The following FCHO2 variants were observed in gnomAD, a reference collection of about 807,000 sequenced individuals.
FCHO2 encodes FCH and mu domain containing endocytic adaptor 2.
FCHO2 carries 43 observed loss-of-function variants against 114.1 expected under a neutral mutation model. The ratio of observed to expected loss-of-function variants is 0.38; its 90% confidence interval spans 0.30 to 0.49. The LOEUF (loss-of-function observed/expected upper bound fraction) is 0.49. FCHO2 is among the 20% of genes least tolerant of loss of function. The pLI is 0.97. For missense variants in FCHO2, 807 were observed against 950.4 expected (o/e 0.85, Z 1.98); for synonymous variants, 293 against 315.2 (o/e 0.93, Z 0.75).
intron 13 of FCHO2, among the ~76,000 whole-genome samples, chr5:73,053,614 G>T (rs183124819): frequency 6.6e-6 from 1 of 151,010 alleles, no homozygotes; most frequent in Non-Finnish European, 1.5e-5. Flanking sequence ...AGAATTGCTT[G>T]AAAACCATGA....
chr5:72,967,154 T>C (rs1250065230), intron 1 of FCHO2, among the ~76,000 whole-genome samples: 8 of 152,270 alleles, frequency 5.3e-5, no homozygotes, highest in African/African-American at 1.9e-4. Flanking sequence ...GATGTGGTGG[T>C]GCACACCTGT....
chr5:73,007,693 A>T (rs983777089), intron 6 of FCHO2, among the ~76,000 whole-genome samples: 4 of 152,262 alleles, frequency 2.6e-5, no homozygotes, highest in Non-Finnish European at 5.9e-5. Flanking sequence ...TGGTGTGTAT[A>T]CAGTACATCT....
In FCHO2 at chr5:72,990,874, A is replaced by C. The variant is rs1274031335; in HGVS notation, c.495+10A>C. Reference sequence around the variant, plus strand: ...AAGAGAAATAGAAAAGGTAATCATAATAAAAATTACATATCTGTGGTTTCA... The same window carrying C: ...AAGAGAAATAGAAAAGGTAATCATACTAAAAATTACATATCTGTGGTTTCA... On this transcript the variant is annotated intron_variant, in intron 5 of 25. Coordinates refer to ENST00000430046, the MANE Select transcript of FCHO2 (RefSeq NM_138782.3). 9.1e-6 allele frequency: 14 copies of C among 1,533,326 alleles called. No individual in the cohort carries two copies. The highest frequency in any genetic ancestry group is 2.2e-5 in the Admixed American group (1 of 45,872). 95.0% of individuals were successfully genotyped at this position (1,533,326 alleles called of 1,614,324 possible).
rs549115748 is a variant in FCHO2, at chr5:73,024,476, G to A, written c.796+7168G>A. Reference sequence around the variant, plus strand: ...TTTTTTGGAGTCGGAGTCTCGCTCCGTCGCCCAGGCTGGAGTGCAGTGGCA... The same window carrying A: ...TTTTTTGGAGTCGGAGTCTCGCTCCATCGCCCAGGCTGGAGTGCAGTGGCA... On this transcript the variant is annotated intron_variant, in intron 8 of 25. Coordinates refer to ENST00000430046, the MANE Select transcript of FCHO2 (RefSeq NM_138782.3). 8.9e-4 allele frequency among the ~76,000 whole-genome samples: 134 copies of A among 150,974 alleles called. 1 individual carries two copies. Among genetic ancestry groups the A allele is most frequent in the African/African-American group, 3.1e-3 (128 of 41,018 alleles).
intron 11 of FCHO2, among the ~76,000 whole-genome samples, chr5:73,042,693 G>GA (rs1182377701): frequency 1.3e-5 from 2 of 152,156 alleles, no homozygotes; most frequent in Admixed American, 1.3e-4. Flanking sequence ...ATCTTTGCAA[G>GA]ACGTGACAGG....
intron 2 of FCHO2, among the ~76,000 whole-genome samples, chr5:72,985,309 A>G (rs966425022): frequency 6.6e-6 from 1 of 151,854 alleles, no homozygotes; most frequent in African/African-American, 2.4e-5. Context: ...TTGCAGATGC[A>G]TGCCCCCACG....
At position 72,980,128 on chromosome 5, in the gene FCHO2, A is replaced by C. The variant is rs189607345; in HGVS notation, c.126-9299A>C. ...AAACACTGTTTCAGCTGTGTCCCAG[A>C]GATCCTGGTATGTTGTGTCTTTGTT... is the stretch of plus-strand genomic sequence containing the variant. On this transcript the variant is annotated intron_variant, in intron 2 of 25. Transcript: ENST00000430046. Among the ~76,000 whole-genome samples, 9 of 152,294 alleles carry C rather than the reference A, an allele frequency of 5.9e-5. No homozygotes were observed. The East Asian group carries it at 1.7e-3, about 29-fold the overall frequency.
intron 8 of FCHO2, among the ~76,000 whole-genome samples, chr5:73,020,032 G>A (rs1428345113): frequency 2.0e-5 from 3 of 152,128 alleles, no homozygotes; most frequent in Non-Finnish European, 2.9e-5. Flanking sequence ...GCAGAGGATA[G>A]TGTCATACTT....
intron 1 of FCHO2, among the ~76,000 whole-genome samples, chr5:72,967,991 C>G (rs975513564): frequency 2.0e-5 from 3 of 148,624 alleles, no homozygotes; most frequent in Non-Finnish European, 4.5e-5. Flanking sequence ...GTGGCACAAT[C>G]CCGGCTCACT....
At chr5:72,971,681 G>C (rs1752565228) in intron 2 of FCHO2, among the ~76,000 whole-genome samples, 1 of 152,094 alleles carries the variant, frequency 6.6e-6, no homozygotes, top group South Asian at 2.1e-4. Context: ...AGTTTCTTTT[G>C]CTGTGCAGAA....
chr5:72,964,783 T>A (rs961889349), intron 1 of FCHO2, among the ~76,000 whole-genome samples: 1 of 152,214 alleles, frequency 6.6e-6, no homozygotes, highest in Non-Finnish European at 1.5e-5. Context: ...AAAATGTCAA[T>A]GTACGGTTGT....
In FCHO2 at chr5:72,996,885, G is replaced by C. The variant is rs551935504; in HGVS notation, c.495+6021G>C. On this transcript the variant is annotated intron_variant, in intron 5 of 25. Coordinates refer to ENST00000430046, the MANE Select transcript of FCHO2 (RefSeq NM_138782.3). ...GCCACGGGGGCCCCCGGGGCCGGCG[G>C]GGCCGGCAGAGCAGGCAGTGCCAGG... 1.2e-5 allele frequency: 18 copies of C among 1,483,386 alleles called. No individual in the cohort carries two copies. The Admixed American group carries it at 3.5e-4, about 29-fold the overall frequency. The allele number at this position is 1,483,386 out of a possible 1,614,324, so 91.9% of individuals were successfully genotyped here.
At chr5:72,980,669 C>G (rs1228940345) in intron 2 of FCHO2, among the ~76,000 whole-genome samples, 1 of 152,148 alleles carries the variant, frequency 6.6e-6, no homozygotes, top group Non-Finnish European at 1.5e-5. Flanking sequence ...GTTAGCTCAT[C>G]TTGATGCATT....
chr5:73,038,407 C>T (rs1379003039), intron 10 of FCHO2, among the ~76,000 whole-genome samples: 1 of 152,172 alleles, frequency 6.6e-6, no homozygotes, highest in African/African-American at 2.4e-5. Flanking sequence ...TCAATGATTA[C>T]TCAGTCCATT....
chr5:73,033,222 TC>T (rs1024260972), intron 8 of FCHO2, among the ~76,000 whole-genome samples: 6 of 152,160 alleles, frequency 3.9e-5, no homozygotes, highest in Non-Finnish European at 7.4e-5. Flanking sequence ...TTTTTTTTAG[TC>T]CTTGTTCATA....
chr5:73,007,018 G>A (rs181124690), intron 6 of FCHO2, among the ~76,000 whole-genome samples: 28 of 152,294 alleles, frequency 1.8e-4, no homozygotes, highest in Admixed American at 1.8e-3. Flanking sequence ...TAAAGGCCTC[G>A]TTTAAGGTGG....
At chr5:73,038,977 C>CTT (rs779012889) in intron 10 of FCHO2, among the ~76,000 whole-genome samples, 1 of 152,062 alleles carries the variant, frequency 6.6e-6, no homozygotes, top group African/African-American at 2.4e-5. Flanking sequence ...ATGTAGGGAG[C>CTT]TTATAGTATT....
At chr5:73,014,178 C>T (rs1294396411) in intron 6 of FCHO2, among the ~76,000 whole-genome samples, 3 of 152,142 alleles carry the variant, frequency 2.0e-5, no homozygotes, top group African/African-American at 7.2e-5. Flanking sequence ...CACATCCTCA[C>T]TTTTGGTTGA....
intron 2 of FCHO2, among the ~76,000 whole-genome samples, chr5:72,975,535 T>A (rs1250631256): frequency 6.6e-6 from 1 of 151,910 alleles, no homozygotes; most frequent in Non-Finnish European, 1.5e-5. Context: ...AGTCTCGCTC[T>A]GTTACCCAGC....
Sources: allele counts gnomAD v4.1 joint callset (sites outside exome capture counted in the v4.1 genomes callset), GRCh38; gene constraint gnomAD v4.1.1; transcripts MANE v1.5; gene names NCBI Gene and HGNC (gene_info 2026-07-23, HGNC 2026-07-21).